Variants in COL21A1 observed in about 807,000 individuals in gnomAD.
COL21A1 encodes collagen type XXI alpha 1 chain.
In COL21A1, 149 loss-of-function variants were observed where a neutral mutation model predicts 137.9. The ratio of observed to expected loss-of-function variants is 1.08; its 90% CI spans 0.95 to 1.24. The LOEUF is 1.24. Ranked by LOEUF, COL21A1 falls within the 50% of genes most tolerant of loss-of-function variation. The pLI is 0.00. For synonymous variants in COL21A1, 456 were observed against 391.5 expected, an observed-to-expected ratio of 1.16 and a Z score of -1.95; for missense variants, 1,167 against 1,158.4, an observed-to-expected ratio of 1.01 and a Z score of -0.11.
Position 56,168,205 on chromosome 6 carries a change from C to T in COL21A1, c.1119G>A (p.Lys373=), listed in dbSNP as rs369418501. 165 of 1,566,958 alleles carry T rather than the reference C, an allele frequency of 1.1e-4. No individual in the cohort carries two copies. The Middle Eastern group carries it at 1.7e-3, about 16-fold the overall frequency. ...AGATCCCTAAAACTGGATGTAAGGG[C>T]TTGTTTTCAATTTGTTGGTCATCAA... ...LYIDDQQIEN[K]PLHPVLGILI... Residue 373 remains lysine, a synonymous_variant, in exon 6 of 30, where the codon AAG becomes AAA. Transcript: ENST00000244728.
intron 1 of COL21A1, among the ~76,000 whole-genome samples, chr6:56,287,286 A>ATGT (rs1479620103): frequency 6.6e-6 from 1 of 152,186 alleles, no homozygotes; most frequent in Non-Finnish European, 1.5e-5. Context: ...CTCCCCAAAA[A>ATGT]TGTCCGTGTC....
chr6:56,185,481 T>G (rs941300728), intron 1 of COL21A1, among the ~76,000 whole-genome samples: 7 of 127,240 alleles, frequency 5.5e-5, no homozygotes, highest in South Asian at 2.9e-4. Context: ...CAGGCCGGAC[T>G]GCGGACTGCA....
chr6:56,373,239 G>A lies in COL21A1; in HGVS notation c.-39+20732C>T, dbSNP rs1050405205. 2.0e-5 allele frequency among the ~76,000 whole-genome samples: 3 copies of A among 152,176 alleles called. No homozygotes were observed. The East Asian group carries it at 5.8e-4, about 29-fold the overall frequency. ...CCAGTTGGTGAACATAGTACCTGATGCTCTGGCCACCCTAGGGATTCCATC... is the reference window on the plus strand; with the variant it reads ...CCAGTTGGTGAACATAGTACCTGATACTCTGGCCACCCTAGGGATTCCATC... On this transcript the variant is annotated intron_variant, in intron 1 of 28. Transcript: ENST00000370819.
At position 56,067,356 on chromosome 6, in the gene COL21A1, T is replaced by C. The variant is rs766388617; in HGVS notation, c.2092-26A>G. The C allele has an allele frequency of 4.4e-6, 7 of 1,595,212 alleles. No individual in the cohort carries two copies. In the South Asian group the frequency reaches 6.6e-5, roughly 15 times the overall value. ...CTACAAAAAGGCAGTTTGATCTGTA[T>C]CATAATCTAGCATATTCTGTACAGT... On this transcript the variant is annotated intron_variant, in intron 22 of 29. Coordinates refer to ENST00000244728, the MANE Select transcript of COL21A1 (RefSeq NM_030820.4).
rs186106675 is a variant in COL21A1, at chr6:56,296,568, C to T, written c.-39+97403G>A. 1.2e-4 allele frequency among the ~76,000 whole-genome samples: 18 copies of T among 152,078 alleles called. No individual in the cohort carries two copies. The East Asian group carries it at 2.1e-3, about 18-fold the overall frequency. Reference sequence around the variant, plus strand: ...TATAATAAACATCCAAAGGCAATTTCGTAATTTGTTTCATTCACTCTGGGT... The same window carrying T: ...TATAATAAACATCCAAAGGCAATTTTGTAATTTGTTTCATTCACTCTGGGT... On this transcript the variant is annotated intron_variant, in intron 1 of 28. Coordinates refer to the COL21A1 transcript ENST00000370819.
intron 1 of COL21A1, among the ~76,000 whole-genome samples, chr6:56,297,873 C>T (rs1030444319): frequency 1.3e-5 from 2 of 151,966 alleles, no homozygotes; most frequent in South Asian, 2.1e-4. Flanking sequence ...AGCTGGTAGC[C>T]GTCTATCATT....
intron 17 of COL21A1, 92 bp downstream of exon 17, chr6:56,101,380 G>A (rs2152166885): frequency 1.1e-6 from 1 of 901,670 alleles, no homozygotes; most frequent in South Asian, 1.5e-5. Flanking sequence ...ACAAATAATA[G>A]GGCATCTGAG....
At chr6:56,233,361 A>G (rs1332936658) in intron 1 of COL21A1, among the ~76,000 whole-genome samples, 1 of 151,920 alleles carries the variant, frequency 6.6e-6, no homozygotes, top group Middle Eastern at 3.2e-3. Context: ...CAATGAATAC[A>G]TTAACAGCCA....
intron 1 of COL21A1, among the ~76,000 whole-genome samples, chr6:56,299,550 T>C (rs1332513325): frequency 1.3e-5 from 2 of 152,132 alleles, no homozygotes; most frequent in African/African-American, 2.4e-5. Context: ...ATTTAATATA[T>C]TGAGAAAAGT....
chr6:56,071,355 T>C (rs1005989342), intron 20 of COL21A1, among the ~76,000 whole-genome samples: 4 of 151,600 alleles, frequency 2.6e-5, no homozygotes, highest in Non-Finnish European at 5.9e-5. Context: ...GGGCAAAGAA[T>C]GTAATACAGA....
chr6:56,185,887 C>A (rs556522112), intron 1 of COL21A1, among the ~76,000 whole-genome samples: 1 of 151,278 alleles, frequency 6.6e-6, no homozygotes, highest in African/African-American at 2.4e-5. Context: ...ACAAAACAGT[C>A]AAGGGAAAAA....
At chr6:56,098,576 AAT>A (rs1202298009) in intron 17 of COL21A1, among the ~76,000 whole-genome samples, 208 of 7,740 alleles carry the variant, frequency 0.027, 28 homozygotes, top group African/African-American at 0.057. Context: ...AATATATATA[AAT>A]ATATATAAAT....
intron 1 of COL21A1, among the ~76,000 whole-genome samples, chr6:56,305,888 A>G (rs1582769035): frequency 6.6e-6 from 1 of 151,610 alleles, no homozygotes; most frequent in South Asian, 2.1e-4. Flanking sequence ...GTTCCTTCCC[A>G]TGTTTAGTGC....
At chr6:56,290,999 A>G (rs1444442424) in intron 1 of COL21A1, among the ~76,000 whole-genome samples, 3 of 152,090 alleles carry the variant, frequency 2.0e-5, no homozygotes, top group African/African-American at 7.2e-5. Context: ...AATGTGATCC[A>G]TGGACCAGCG....
At chr6:56,360,259 C>T (rs976532389) in intron 1 of COL21A1, among the ~76,000 whole-genome samples, 5 of 152,084 alleles carry the variant, frequency 3.3e-5, no homozygotes, top group African/African-American at 4.8e-5. Flanking sequence ...GGCATCTGTT[C>T]GACTTCACAC....
At chr6:56,075,848 G>C (rs1767185335) in intron 18 of COL21A1, among the ~76,000 whole-genome samples, 2 of 151,342 alleles carry the variant, frequency 1.3e-5, no homozygotes, top group East Asian at 3.9e-4. Flanking sequence ...ATTTATCATA[G>C]AGTTTAAGAA....
At chr6:56,188,709 C>A (rs1008230235) in intron 1 of COL21A1, among the ~76,000 whole-genome samples, 1 of 152,334 alleles carries the variant, frequency 6.6e-6, no homozygotes, top group East Asian at 1.9e-4. Flanking sequence ...GACCGACAGA[C>A]ACCTCATAGA....
Position 56,067,338 on chromosome 6 carries a change from AAGGCAGTTTG to A in COL21A1, c.2092-18_2092-9del. 1 of 1,608,114 alleles carries A rather than the reference AAGGCAGTTTG, an allele frequency of 6.2e-7. No individual in the cohort carries two copies. The highest frequency in any genetic ancestry group is 8.5e-7 in the Non-Finnish European group (1 of 1,175,982). ...TTGATTTCCTTTGTCCCCCTACAAAAAGGCAGTTTGATCTGTATCATAATCTAGCATATTC... is the reference window on the plus strand; with the variant it reads ...TTGATTTCCTTTGTCCCCCTACAAAAATCTGTATCATAATCTAGCATATTC... On this transcript the variant is annotated splice_polypyrimidine_tract_variant and intron_variant, in intron 22 of 29. Coordinates refer to ENST00000244728, the MANE Select transcript of COL21A1 (RefSeq NM_030820.4).
chr6:56,390,954 A>G (rs1322011254), intron 1 of COL21A1, among the ~76,000 whole-genome samples: 1 of 152,200 alleles, frequency 6.6e-6, no homozygotes, highest in East Asian at 1.9e-4. Context: ...CTTAATCTGC[A>G]CTATGGACCA....
Sources: gnomAD v4.1 joint callset for allele counts (sites outside exome capture counted in the v4.1 genomes callset) on GRCh38, gnomAD v4.1.1 for gene constraint, MANE v1.5 for transcripts, NCBI Gene and HGNC (gene_info 2026-07-23, HGNC 2026-07-21) for gene names.